Variants in BPNT1 observed in about 807,000 individuals in gnomAD.
BPNT1 encodes the protein 3'(2'), 5'-bisphosphate nucleotidase 1.
A neutral mutation model predicts 36.9 loss-of-function variants in BPNT1; 28 were observed. The observed-to-expected ratio is 0.76, with a 90% CI of 0.56 to 1.04. The LOEUF (loss-of-function observed/expected upper bound fraction) is 1.04. Among genes scored for constraint, BPNT1 ranks in the 50% least tolerant of loss-of-function variants. The probability of loss-of-function intolerance (pLI) is 0.00; values close to 1 mark genes in which losing one functional copy is unlikely to be tolerated. For synonymous variants in BPNT1, 119 were observed against 130.9 expected (o/e 0.91, Z 0.62); for missense variants, 313 against 372.9 (o/e 0.84, Z 1.32).
intron 6 of BPNT1, among the ~76,000 whole-genome samples, chr1:220,064,892 C>T (rs967406100): frequency 5.3e-5 from 8 of 152,188 alleles, no homozygotes; most frequent in African/African-American, 1.9e-4. Flanking sequence ...ACTGCAAACT[C>T]TGCCTCCTGG....
intron 1 of BPNT1, among the ~76,000 whole-genome samples, chr1:220,084,807 T>C (rs1454021446): frequency 6.6e-6 from 1 of 151,960 alleles, no homozygotes. Flanking sequence ...AAAGCTAACA[T>C]CAGCTTATAA....
chr1:220,074,747 A>C (rs1387958452), intron 2 of BPNT1, among the ~76,000 whole-genome samples: 1 of 151,008 alleles, frequency 6.6e-6, no homozygotes, highest in African/African-American at 2.4e-5. Context: ...ACCCGCCTTG[A>C]CCTCCCAAAA....
At chr1:220,061,013 A>G (rs2102628605) in intron 7 of BPNT1, among the ~76,000 whole-genome samples, 1 of 152,320 alleles carries the variant, frequency 6.6e-6, no homozygotes, top group Non-Finnish European at 1.5e-5. Flanking sequence ...TGAGACCAAA[A>G]TTCCTTTGAA....
intron 1 of BPNT1, among the ~76,000 whole-genome samples, chr1:220,089,101 GAAAAAAAAAAAA>G (rs764942826): frequency 3.3e-4 from 13 of 39,156 alleles, no homozygotes; most frequent in African/African-American, 1.1e-3. Flanking sequence ...ACTCCGTCTC[GAAAAAAAAAAAA>G]AAAAAAAAAA....
intron 4 of BPNT1, among the ~76,000 whole-genome samples, chr1:220,072,027 G>C (rs1015736216): frequency 6.6e-6 from 1 of 151,878 alleles, no homozygotes; most frequent in African/African-American, 2.4e-5. Context: ...TTTCACAAGT[G>C]TGCCAGGGCC....
intron 1 of BPNT1, among the ~76,000 whole-genome samples, chr1:220,081,418 C>T (rs1487870803): frequency 6.6e-6 from 1 of 152,106 alleles, no homozygotes; most frequent in African/African-American, 2.4e-5. Flanking sequence ...TGTTGCACAC[C>T]TGTAATCCCA....
At chr1:220,064,279 C>CATCA (rs1456001932) in intron 6 of BPNT1, among the ~76,000 whole-genome samples, 3 of 152,186 alleles carry the variant, frequency 2.0e-5, no homozygotes, top group Non-Finnish European at 4.4e-5. Flanking sequence ...TTTTCACACA[C>CATCA]ATCATCTTAT....
chr1:220,073,204 A>T lies in BPNT1; in HGVS notation c.226-247T>A, dbSNP rs561499423. Among the ~76,000 whole-genome samples the T allele has an allele frequency of 9.8e-5, 15 of 152,350 alleles. No homozygotes were observed. The East Asian group carries it at 2.3e-3, about 24-fold the overall frequency. ...GAGTTTAAAAAGAAAAGAATTTTTA[A>T]GTATTATACACTCATTTAAACAAGT... On this transcript the variant is annotated intron_variant, in intron 3 of 8. Transcript: ENST00000322067.
intron 1 of BPNT1, among the ~76,000 whole-genome samples, chr1:220,085,146 C>G (rs1655597618): frequency 6.6e-6 from 1 of 151,842 alleles, no homozygotes; most frequent in African/African-American, 2.4e-5. Context: ...CCCTTTTAGC[C>G]TTTTTCATTA....
In BPNT1 at chr1:220,079,741, C is replaced by T. The variant is rs1205988814; in HGVS notation, c.106G>A (p.Gly36Ser). ...VRRVIAEGDL[G>S]IVEKTCATDL... Reference sequence around the variant, plus strand: ...AGTTTGAGTACCTTCTCCACAATACCCAGGTCTCCTTCAGCAATAACACGT... The same window carrying T: ...AGTTTGAGTACCTTCTCCACAATACTCAGGTCTCCTTCAGCAATAACACGT... The change falls in exon 2 of 9, where the codon GGT becomes AGT. Residue 36 changes from glycine to serine, a missense_variant. By Grantham distance (56) the Gly-to-Ser change is moderately conservative. Transcript: ENST00000322067. 1 of 1,613,926 alleles carries T rather than the reference C, an allele frequency of 6.2e-7. No homozygotes were observed. The highest frequency in any genetic ancestry group is 2.2e-5 in the East Asian group (1 of 44,874).
At chr1:220,084,927 T>C (rs916701541) in intron 1 of BPNT1, among the ~76,000 whole-genome samples, 1 of 152,204 alleles carries the variant, frequency 6.6e-6, no homozygotes, top group African/African-American at 2.4e-5. Flanking sequence ...CACTTTTAAT[T>C]GGCAGATAGG....
At chr1:220,089,373 G>A (rs1656094756) in intron 1 of BPNT1, among the ~76,000 whole-genome samples, 2 of 152,266 alleles carry the variant, frequency 1.3e-5, no homozygotes, top group South Asian at 4.1e-4. Flanking sequence ...AGAAATGGCA[G>A]TTGGAAGAAT....
chr1:220,059,455 C>T (rs904328), intron 8 of BPNT1, among the ~76,000 whole-genome samples: 102,628 of 149,996 alleles, frequency 0.68, 37,708 homozygotes, highest in Non-Finnish European at 0.83. Context: ...ATTAAATTAA[C>T]TGTATGCAGA....
chr1:220,063,010 C>G, intron 6 of BPNT1, 56 bp from the exon 7 acceptor site: 1 of 1,543,720 alleles, frequency 6.5e-7, no homozygotes, highest in African/African-American at 1.4e-5. Context: ...GAACGTTAGC[C>G]CATAAATGGA....
intron 4 of BPNT1, among the ~76,000 whole-genome samples, chr1:220,070,827 A>C (rs1663997129): frequency 6.6e-6 from 1 of 151,302 alleles, no homozygotes; most frequent in African/African-American, 2.4e-5. Flanking sequence ...CTTGTGAAAA[A>C]TCAGCAGGCC....
intron 7 of BPNT1, among the ~76,000 whole-genome samples, chr1:220,062,317 C>A (rs1663120478): frequency 7.2e-6 from 1 of 138,660 alleles, no homozygotes; most frequent in East Asian, 2.2e-4. Flanking sequence ...CAACAGTCCC[C>A]AGAGTGTGAC....
chr1:220,059,609 A>G (rs988220858), intron 8 of BPNT1, 77 bp downstream of exon 8: 2 of 1,118,606 alleles, frequency 1.8e-6, no homozygotes, highest in Non-Finnish European at 2.6e-6. Flanking sequence ...AAGTAAAATA[A>G]TATTACTGAG....
rs753054605 is a variant in BPNT1 at position 220,079,804 on chromosome 1, C to T, written c.43G>A (p.Ala15Thr). The stretch of plus-strand genomic sequence containing the variant: ...CCTGCCTTTTGAGCAATAGAATATG[C>T]GGAGGCTACCAACCGCATCAACACA... ...NTVLMRLVASAYSIAQKAGMI... is the reference protein window; with the variant it reads ...NTVLMRLVASTYSIAQKAGMI... Residue 15 changes from alanine to threonine, a missense_variant, in exon 2 of 9, where the codon GCA becomes ACA. Transcript: ENST00000322067. 10 of 1,613,544 alleles carry T rather than the reference C, an allele frequency of 6.2e-6. No individual in the cohort carries two copies. Among genetic ancestry groups the T allele is most frequent in the East Asian group, 4.5e-5 (2 of 44,824 alleles).
intron 1 of BPNT1, among the ~76,000 whole-genome samples, chr1:220,081,757 A>AAG (rs1452016917): frequency 6.6e-6 from 1 of 151,832 alleles, no homozygotes; most frequent in Non-Finnish European, 1.5e-5. Context: ...TTTAAAGGCC[A>AAG]TTTCCTACCC....
Sources: gnomAD v4.1 joint callset for allele counts (sites outside exome capture counted in the v4.1 genomes callset) on GRCh38, gnomAD v4.1.1 for gene constraint, MANE v1.5 for transcripts, NCBI Gene and HGNC (gene_info 2026-07-23, HGNC 2026-07-21) for gene names.